Variants in TMEM272 observed in about 807,000 individuals in gnomAD.
TMEM272 encodes long intergenic non-protein coding RNA 282.
Under a neutral mutation model 3.7 loss-of-function variants are expected in TMEM272, and 8 were observed. The observed-to-expected ratio is 2.17, with a 90% CI of 1.27 to 3.91. TMEM272 has a LOEUF of 3.91. Among genes scored for constraint, TMEM272 ranks in the 30% most tolerant of loss-of-function variants. The probability of loss-of-function intolerance (pLI) is 0.00; values close to 1 mark genes in which losing one functional copy is unlikely to be tolerated. For missense variants in TMEM272, 166 were observed against 91.5 expected (o/e 1.81, Z -3.32); for synonymous variants, 63 against 39.8 (o/e 1.58, Z -2.20).
At position 51,817,095 on chromosome 13, in the gene TMEM272, C is replaced by T. The variant is rs1371745246; in HGVS notation, c.220G>A (p.Asp74Asn). Residue 74 changes from aspartate (D) to asparagine (N), a missense_variant, in exon 5 of 5, where the codon GAC becomes AAC. Transcript: ENST00000629372. ...GTLKVSLLLY[D>N]STRMRRLLSK... is the part of the protein sequence containing the mutation. ...AGCAGCCGCCTCATCCTGGTGGAGT[C>T]GTACAACAGGAGAGACACCTGGGGC... is the stretch of plus-strand genomic sequence containing the variant. 8 of 702,390 alleles carry T rather than the reference C, an allele frequency of 1.1e-5. No homozygotes were observed. Among genetic ancestry groups the T allele is most frequent in the African/African-American group, 1.7e-5 (1 of 57,160 alleles). 43.5% of individuals were successfully genotyped at this position (702,390 alleles called of 1,614,324 possible). A position where few individuals can be genotyped will look rare whatever the true frequency, so the allele number is the denominator to read the frequency against.
intron 1 of TMEM272, among the ~76,000 whole-genome samples, chr13:51,839,916 C>T (rs1334263519): frequency 6.6e-6 from 1 of 152,198 alleles, no homozygotes; most frequent in Non-Finnish European, 1.5e-5. Context: ...ACATGTCATG[C>T]TCAAAACTTG....
At chr13:51,894,324 C>G in the TMEM272 span, among the ~76,000 whole-genome samples, 1 of 152,204 alleles carries the variant, frequency 6.6e-6, no homozygotes, top group East Asian at 1.9e-4. Context: ...TACAGACACT[C>G]TTTCTTTGTG....
At chr13:51,856,506 A>AGTT in the TMEM272 span, among the ~76,000 whole-genome samples, 2 of 152,210 alleles carry the variant, frequency 1.3e-5, no homozygotes, top group Admixed American at 6.5e-5. Context: ...CTTGCTTCAA[A>AGTT]GTTAAACTAT....
chr13:51,885,577 G>A, the TMEM272 span, among the ~76,000 whole-genome samples: 2 of 152,190 alleles, frequency 1.3e-5, no homozygotes, highest in African/African-American at 2.4e-5. Flanking sequence ...AATTCAAGAT[G>A]AGATTTGAAT....
the TMEM272 span, among the ~76,000 whole-genome samples, chr13:51,882,575 A>G: frequency 6.6e-6 from 1 of 152,172 alleles, no homozygotes; most frequent in Non-Finnish European, 1.5e-5. Flanking sequence ...GAAGGGACAC[A>G]AGGGTGGCAT....
chr13:51,902,889 C>T, the TMEM272 span, among the ~76,000 whole-genome samples: 1 of 152,224 alleles, frequency 6.6e-6, no homozygotes, highest in African/African-American at 2.4e-5. Flanking sequence ...CTATGTGATG[C>T]CGAGGGAGTG....
At chr13:51,885,852 T>C in the TMEM272 span, among the ~76,000 whole-genome samples, 1 of 152,162 alleles carries the variant, frequency 6.6e-6, no homozygotes, top group Non-Finnish European at 1.5e-5. Context: ...CAGATTTCAG[T>C]CTCTGTCCCA....
At chr13:51,872,357 G>A in the TMEM272 span, among the ~76,000 whole-genome samples, 5 of 151,878 alleles carry the variant, frequency 3.3e-5, no homozygotes, top group Non-Finnish European at 7.4e-5. Flanking sequence ...AACTCTCTAA[G>A]AAGATGAGCA....
the TMEM272 span, chr13:51,908,988 G>A: frequency 2.1e-6 from 3 of 1,436,060 alleles, no homozygotes; most frequent in African/African-American, 4.2e-5. Context: ...AAGCAAAGGT[G>A]AGAGTCTCAG....
chr13:51,863,695 ACACACACACACAC>A, the TMEM272 span, among the ~76,000 whole-genome samples: 3 of 131,774 alleles, frequency 2.3e-5, no homozygotes, highest in Non-Finnish European at 3.4e-5. Flanking sequence ...ACACACACAC[ACACACACACACAC>A]ACCAGCTATG....
At chr13:51,933,289 C>T in the TMEM272 span, 1 of 152,238 alleles carries the variant, frequency 6.6e-6, no homozygotes, top group African/African-American at 2.4e-5. Flanking sequence ...TGGGCAAAGT[C>T]CTCAGCCTCT....
chr13:51,819,036 G>C (rs756186893), intron 4 of TMEM272, among the ~76,000 whole-genome samples: 4 of 152,184 alleles, frequency 2.6e-5, no homozygotes, highest in Non-Finnish European at 5.9e-5. Context: ...AAGACTTGCA[G>C]CCCGGCTGGG....
chr13:51,837,915 A>C (rs1956229590), intron 2 of TMEM272, among the ~76,000 whole-genome samples: 1 of 152,184 alleles, frequency 6.6e-6, no homozygotes, highest in South Asian at 2.1e-4. Flanking sequence ...TTCATCTGTA[A>C]AAGTTAGACC....
intron 4 of TMEM272, 78 bp from the exon 5 acceptor site, chr13:51,817,191 T>A (rs1031720906): frequency 3.1e-6 from 2 of 638,598 alleles, no homozygotes; most frequent in Non-Finnish European, 5.7e-6. Flanking sequence ...AAGGTAGCGG[T>A]GGTGGGGTGT....
chr13:51,816,632 C>A lies in TMEM272; in HGVS notation c.*119G>T, dbSNP rs1053421700. 8.3e-6 allele frequency: 5 copies of A among 599,284 alleles called. No homozygotes were observed. The highest frequency in any genetic ancestry group is 3.0e-6 in the Non-Finnish European group (1 of 334,994). 37.1% of individuals were successfully genotyped at this position (599,284 alleles called of 1,614,324 possible). ...AATGCCTTCAGGGAAGGTTTTATTACCTTTATGCCCTTCTCTGAACCTGTG... is the reference window on the plus strand; with the variant it reads ...AATGCCTTCAGGGAAGGTTTTATTAACTTTATGCCCTTCTCTGAACCTGTG... On this transcript the variant is annotated 3_prime_UTR_variant, in exon 5 of 5. Transcript: ENST00000629372.
chr13:51,866,141 G>A, the TMEM272 span: 9 of 1,369,854 alleles, frequency 6.6e-6, no homozygotes, highest in Non-Finnish European at 8.9e-6. Flanking sequence ...TCAAGTCCAG[G>A]GTGAGCCCAT....
chr13:51,892,835 T>C, the TMEM272 span, among the ~76,000 whole-genome samples: 1 of 152,166 alleles, frequency 6.6e-6, no homozygotes, highest in Non-Finnish European at 1.5e-5. Flanking sequence ...GCAGTGGTAA[T>C]GGCTTCCTGC....
the TMEM272 span, among the ~76,000 whole-genome samples, chr13:51,853,411 C>T: frequency 1.5e-5 from 2 of 137,846 alleles, no homozygotes; most frequent in Admixed American, 7.3e-5. Flanking sequence ...CTCCATCTCT[C>T]AAAAAAAAAA....
chr13:51,821,375 A>G (rs1956077186), intron 4 of TMEM272, among the ~76,000 whole-genome samples: 1 of 152,156 alleles, frequency 6.6e-6, no homozygotes, highest in African/African-American at 2.4e-5. Flanking sequence ...CTTGAAAACA[A>G]TTGCAGGCTA....
Sources: allele counts gnomAD v4.1 joint callset (sites outside exome capture counted in the v4.1 genomes callset), GRCh38; gene constraint gnomAD v4.1.1; transcripts MANE v1.5; gene names NCBI Gene and HGNC (gene_info 2026-07-23, HGNC 2026-07-21).